Variants in LGALS8 observed in about 807,000 individuals in gnomAD.
LGALS8 encodes the protein galectin-8.
LGALS8 carries 30 observed loss-of-function variants against 35.9 expected under a neutral mutation model. The observed-to-expected ratio is 0.83, with a 90% confidence interval of 0.62 to 1.13. LGALS8 has a LOEUF of 1.13. Ranked by LOEUF, LGALS8 falls within the 50% of genes most tolerant of loss-of-function variation. The pLI, the probability that LGALS8 is intolerant of heterozygous loss-of-function variation, is 0.00. For missense variants in LGALS8, 366 were observed against 388.7 expected, an observed-to-expected ratio of 0.94 and a Z score of 0.49; for synonymous variants, 138 against 136.1, an observed-to-expected ratio of 1.01 and a Z score of -0.10.
At position 236,540,603 on chromosome 1, in the gene LGALS8, A is replaced by G. The variant is rs1374417894; in HGVS notation, c.385A>G (p.Arg129Gly). 1.2e-6 allele frequency: 2 copies of G among 1,611,016 alleles called. No individual in the cohort carries two copies. Among genetic ancestry groups the G allele is most frequent in the South Asian group, 2.2e-5 (2 of 90,374 alleles). The change falls in exon 5 of 10, where the codon AGG becomes GGG. Residue 129 changes from arginine (R) to glycine (G), a missense_variant. Arg to Gly is a moderately radical substitution (Grantham distance 125). Transcript: ENST00000366584. ...NGKHTLLYGH[R>G]IGPEKIDTLG... is the part of the protein sequence containing the mutation. ...AAAACATACTCTGCTCTATGGCCACAGGATCGGCCCAGAGAAAATAGACAC... is the reference window on the plus strand; with the variant it reads ...AAAACATACTCTGCTCTATGGCCACGGGATCGGCCCAGAGAAAATAGACAC...
At chr1:236,521,810 G>A (rs1279547328), upstream of LGALS8, among the ~76,000 whole-genome samples, 2 of 148,820 alleles carry the variant, frequency 1.3e-5, no homozygotes, top group African/African-American at 5.0e-5. Context: ...TCCAACCTGG[G>A]CAACAGAGTG....
rs371378637 is a variant in LGALS8, at chr1:236,543,661, C to T, written c.638+13C>T. 1.6e-5 allele frequency: 25 copies of T among 1,592,086 alleles called. No individual in the cohort carries two copies. The highest frequency in any genetic ancestry group is 6.7e-5 in the African/African-American group (5 of 74,432). On this transcript the variant is annotated intron_variant, in intron 8 of 9. Coordinates refer to ENST00000366584, the MANE Select transcript of LGALS8 (RefSeq NM_201544.4). ...CAAATGCCAAAAGGTCAGTATCCTT[C>T]GGTACCAGTCACAGTGCAGATACTT...
At chr1:236,543,945 C>CT (rs1488233750) in intron 8 of LGALS8, among the ~76,000 whole-genome samples, 5 of 103,716 alleles carry the variant, frequency 4.8e-5, no homozygotes, top group Non-Finnish European at 1.1e-4. Context: ...CAGGCAACAT[C>CT]TTTTCTTTTT....
Position 236,526,040 on chromosome 1 carries a change from G to A in LGALS8, c.-31G>A, listed in dbSNP as rs1309253782. Reference sequence around the variant, plus strand: ...CTAAAATCTTAGGTCATACACAGAAGAGACTCCAATCGACAAGAAGCTGGA... The same window carrying A: ...CTAAAATCTTAGGTCATACACAGAAAAGACTCCAATCGACAAGAAGCTGGA... On this transcript the variant is annotated 5_prime_UTR_variant, in exon 2 of 10. Coordinates refer to ENST00000366584, the MANE Select transcript of LGALS8 (RefSeq NM_201544.4). This position sits in a 1 kb window ranked among gnomAD's most constrained non-coding sequence, Gnocchi z 4.6. 2.5e-6 allele frequency: 4 copies of A among 1,596,372 alleles called. No individual in the cohort carries two copies. The highest frequency in any genetic ancestry group is 2.6e-6 in the Non-Finnish European group (3 of 1,164,458).
In LGALS8 at chr1:236,551,074, T is replaced by C; in HGVS notation, c.*2913T>C. On this transcript the variant is annotated 3_prime_UTR_variant, in exon 10 of 10. Coordinates refer to ENST00000366584, the MANE Select transcript of LGALS8 (RefSeq NM_201544.4). The stretch of plus-strand genomic sequence containing the variant: ...CTCATTAGTTTAATTCTTAATGCCT[T>C]GCACTTTCCGGCAATCATTCAATCA... The C allele has an allele frequency of 9.4e-7, 1 of 1,062,186 alleles. No individual in the cohort carries two copies. Among genetic ancestry groups the C allele is most frequent in the South Asian group, 1.6e-5 (1 of 64,028 alleles). The allele number at this position is 1,062,186 out of a possible 1,614,324, so 65.8% of individuals were successfully genotyped here.
intron 2 of LGALS8, among the ~76,000 whole-genome samples, chr1:236,528,717 G>T (rs1429152989): frequency 6.7e-6 from 1 of 150,286 alleles, no homozygotes; most frequent in Non-Finnish European, 1.5e-5. Context: ...TATTTTTTTT[G>T]GTAAAGACAG....
Position 236,550,841 on chromosome 1 carries a change from A to C in LGALS8, c.*2680A>C. On this transcript the variant is annotated 3_prime_UTR_variant, in exon 10 of 10. Coordinates refer to ENST00000366584, the MANE Select transcript of LGALS8 (RefSeq NM_201544.4). ...AAGTAACATGGCACCCAACACCCAAAAATAAAAATATGAAATATGAGTGTG... is the reference window on the plus strand; with the variant it reads ...AAGTAACATGGCACCCAACACCCAACAATAAAAATATGAAATATGAGTGTG... The C allele has an allele frequency of 2.9e-6, 4 of 1,359,042 alleles. No homozygotes were observed. The highest frequency in any genetic ancestry group is 4.1e-6 in the Non-Finnish European group (4 of 982,074). 84.2% of individuals were successfully genotyped at this position (1,359,042 alleles called of 1,614,324 possible).
intron 2 of LGALS8, among the ~76,000 whole-genome samples, chr1:236,528,813 G>A (rs918716706): frequency 2.0e-5 from 3 of 152,094 alleles, no homozygotes; most frequent in African/African-American, 7.2e-5. Context: ...GAGCCACCAT[G>A]CCTGGCCTAT....
At chr1:236,544,666 T>C (rs957914895) in intron 8 of LGALS8, 84 bp from the exon 9 acceptor site, 7 of 1,019,678 alleles carry the variant, frequency 6.9e-6, no homozygotes, top group Non-Finnish European at 8.5e-6. Flanking sequence ...ATAGTTCAAG[T>C]CTGGTCACTA....
intron 8 of LGALS8, among the ~76,000 whole-genome samples, 176 bp downstream of exon 8, chr1:236,543,824 C>T (rs892513341): frequency 6.6e-6 from 1 of 151,994 alleles, no homozygotes; most frequent in African/African-American, 2.4e-5. Flanking sequence ...GCAGCAGAGC[C>T]GACTAAGGCC....
intron 2 of LGALS8, among the ~76,000 whole-genome samples, chr1:236,527,789 G>C (rs1425034022): frequency 1.3e-5 from 2 of 151,816 alleles, no homozygotes; most frequent in Non-Finnish European, 2.9e-5. Flanking sequence ...AGGCTGGAGT[G>C]AAATGATGCA....
upstream of LGALS8, among the ~76,000 whole-genome samples, chr1:236,522,787 A>G (rs1660592444): frequency 6.6e-6 from 1 of 152,212 alleles, no homozygotes; most frequent in Non-Finnish European, 1.5e-5. Context: ...TCAAGGGTAA[A>G]TTCACCTATT....
At position 236,545,121 on chromosome 1, in the gene LGALS8, T is replaced by C. The variant is rs1662284071; in HGVS notation, c.804+206T>C. On this transcript the variant is annotated intron_variant, in intron 9 of 9. Transcript: ENST00000366584. Reference sequence around the variant, plus strand: ...CCAGTAGAGTGTCAAATTATGCACATTGGAATTGACATTTGTCATCATATT... The same window carrying C: ...CCAGTAGAGTGTCAAATTATGCACACTGGAATTGACATTTGTCATCATATT... The C allele has an allele frequency of 1.7e-5, 7 of 414,638 alleles. No homozygotes were observed. In the East Asian group the frequency reaches 1.9e-4, roughly 11 times the overall value. 25.7% of individuals were successfully genotyped at this position (414,638 alleles called of 1,614,324 possible).
intron 2 of LGALS8, among the ~76,000 whole-genome samples, chr1:236,537,080 G>A (rs1354196758): frequency 3.4e-5 from 5 of 149,074 alleles, no homozygotes; most frequent in Admixed American, 2.7e-4. Context: ...ATAGTGGCGC[G>A]ATCTCGGCTC....
At chr1:236,524,627 T>A (rs74151918) in intron 1 of LGALS8, 238 of 357,646 alleles carry the variant, frequency 6.7e-4, no homozygotes, top group African/African-American at 4.7e-3. Context: ...CTGCTTGTGA[T>A]GCATACGAAG....
intron 7 of LGALS8, chr1:236,543,174 G>A (rs1662126758): frequency 1.7e-5 from 13 of 771,904 alleles, no homozygotes; most frequent in Middle Eastern, 2.9e-4. Context: ...GGACGGATTC[G>A]AGAGTCAACC....
chr1:236,548,238 C>T lies in LGALS8; in HGVS notation c.*77C>T, dbSNP rs1468522744. On this transcript the variant is annotated 3_prime_UTR_variant, in exon 10 of 10. Coordinates refer to ENST00000366584, the MANE Select transcript of LGALS8 (RefSeq NM_201544.4). ...ACTGGCCTTGCTGAAACGCATCTCACTGTCATTCTATTGTTTATATTGTTA... is the reference window on the plus strand; with the variant it reads ...ACTGGCCTTGCTGAAACGCATCTCATTGTCATTCTATTGTTTATATTGTTA... 20 of 1,264,930 alleles carry T rather than the reference C, an allele frequency of 1.6e-5. No homozygotes were observed. Among genetic ancestry groups the T allele is most frequent in the Non-Finnish European group, 2.1e-5 (19 of 893,244 alleles). 78.4% of individuals were successfully genotyped at this position (1,264,930 alleles called of 1,614,324 possible).
chr1:236,537,428 G>T, intron 2 of LGALS8, 69 bp from the exon 3 acceptor site: 1 of 901,440 alleles, frequency 1.1e-6, no homozygotes, highest in African/African-American at 1.6e-5. Flanking sequence ...AATAATGAGT[G>T]TGGGTTGTAA....
chr1:236,522,556 G>T (rs904460457), upstream of LGALS8, among the ~76,000 whole-genome samples: 7 of 152,116 alleles, frequency 4.6e-5, no homozygotes, highest in African/African-American at 1.4e-4. Flanking sequence ...TGGCGGGGCT[G>T]GGGGGAGACT....
Sources: gnomAD v4.1 joint callset for allele counts (sites outside exome capture counted in the v4.1 genomes callset) on GRCh38, gnomAD v4.1.1 for gene constraint, Gnocchi (gnomAD v3.1) non-coding constraint, MANE v1.5 for transcripts, NCBI Gene and HGNC (gene_info 2026-07-23, HGNC 2026-07-21) for gene names.